Variants in RBMS1 observed in about 807,000 individuals in gnomAD.
RBMS1 encodes the protein RNA-binding motif, single-stranded-interacting protein 1.
A neutral mutation model predicts 62.3 loss-of-function variants in RBMS1; 17 were observed. That is an observed-to-expected ratio of 0.27 (90% CI 0.19 to 0.41). The LOEUF (loss-of-function observed/expected upper bound fraction) is 0.41. Ranked by LOEUF, RBMS1 falls within the 10% of genes least tolerant of loss-of-function variation. The pLI, the probability that RBMS1 is intolerant of heterozygous loss-of-function variation, is 1.00. For missense variants in RBMS1, 334 were observed against 504.5 expected (o/e 0.66, Z 3.24); for synonymous variants, 172 against 170.0 (o/e 1.01, Z -0.09).
At chr2:160,420,493 A>G (rs1368488755) in intron 1 of RBMS1, among the ~76,000 whole-genome samples, 2 of 152,150 alleles carry the variant, frequency 1.3e-5, no homozygotes, top group African/African-American at 2.4e-5. Context: ...GTGTCTTTAC[A>G]TTATAAACTC....
chr2:160,452,287 T>A (rs1008434303), intron 1 of RBMS1, among the ~76,000 whole-genome samples: 2 of 152,158 alleles, frequency 1.3e-5, no homozygotes, highest in Non-Finnish European at 2.9e-5. Context: ...AGGGCTATCA[T>A]GGTGAGCTAA....
chr2:160,313,181 C>G lies in RBMS1; in HGVS notation c.377G>C (p.Ser126Thr). ...CTTTGCCATTTGAGCTTGAACCCCACTGGCCTTCAGGGCAGACACAGCTTT... is the reference window on the plus strand; with the variant it reads ...CTTTGCCATTTGAGCTTGAACCCCAGTGGCCTTCAGGGCAGACACAGCTTT... ...AQKAVSALKA[S>T]GVQAQMAKQQ... The change falls in exon 4 of 14, where the codon AGT (serine) becomes ACT (threonine). Residue 126 changes from serine to threonine, a missense_variant. By Grantham distance (58) the Ser-to-Thr change is moderately conservative (BLOSUM62 1). Around this residue, in one of 3 missense-constraint regions of RBMS1, gnomAD observed 150 missense variants for 228.0 expected, o/e 0.66. Coordinates refer to ENST00000348849, the MANE Select transcript of RBMS1 (RefSeq NM_016836.4). 6.2e-7 allele frequency: 1 copy of G among 1,613,652 alleles called. No individual in the cohort carries two copies. The highest frequency in any genetic ancestry group is 8.5e-7 in the Non-Finnish European group (1 of 1,179,652).
At chr2:160,294,861 C>T (rs1009806096) in intron 6 of RBMS1, among the ~76,000 whole-genome samples, 1 of 152,064 alleles carries the variant, frequency 6.6e-6, no homozygotes, top group Non-Finnish European at 1.5e-5. Context: ...CCCTGCCTGA[C>T]AATATTTTTG....
intron 1 of RBMS1, among the ~76,000 whole-genome samples, chr2:160,485,368 A>AC (rs1354226210): frequency 5.3e-5 from 8 of 152,188 alleles, no homozygotes; most frequent in Non-Finnish European, 1.0e-4. Context: ...AAAGAAAGCA[A>AC]AGACGAGTTC....
At chr2:160,286,587 T>G (rs771156707) in intron 7 of RBMS1, among the ~76,000 whole-genome samples, 2 of 152,124 alleles carry the variant, frequency 1.3e-5, no homozygotes, top group Non-Finnish European at 2.9e-5. Context: ...CCCAAAGTGC[T>G]AGGATTATAG....
intron 2 of RBMS1, among the ~76,000 whole-genome samples, chr2:160,347,437 T>G (rs931031322): frequency 1.3e-5 from 2 of 152,172 alleles, no homozygotes; most frequent in Non-Finnish European, 2.9e-5. Context: ...TTATCACCTC[T>G]TACAGCATCA....
At chr2:160,480,599 A>G (rs1685324346) in intron 1 of RBMS1, among the ~76,000 whole-genome samples, 1 of 152,202 alleles carries the variant, frequency 6.6e-6, no homozygotes, top group African/African-American at 2.4e-5. Context: ...AAAGTTTGGA[A>G]GATTCATTAG....
At chr2:160,298,592 T>C (rs1340626331) in intron 6 of RBMS1, among the ~76,000 whole-genome samples, 1 of 151,846 alleles carries the variant, frequency 6.6e-6, no homozygotes, top group Non-Finnish European at 1.5e-5. Flanking sequence ...GGTGCAAAAG[T>C]AGTCAAGGGA....
intron 1 of RBMS1, chr2:160,407,927 G>A (rs918444736): frequency 3.4e-5 from 33 of 979,974 alleles, no homozygotes; most frequent in Non-Finnish European, 4.0e-5. Context: ...CCGGGGGCGG[G>A]GAGGCGGCAG....
intron 3 of RBMS1, among the ~76,000 whole-genome samples, chr2:160,314,862 C>A (rs186914578): frequency 7.9e-5 from 12 of 152,222 alleles, no homozygotes; most frequent in Admixed American, 6.5e-4. Context: ...TTTTAGACAT[C>A]TGTTGTCCAT....
intron 6 of RBMS1, among the ~76,000 whole-genome samples, chr2:160,294,209 A>G (rs898405587): frequency 6.6e-5 from 10 of 152,246 alleles, no homozygotes; most frequent in African/African-American, 2.4e-4. Flanking sequence ...CCAACAAACT[A>G]TAATATACAT....
rs184387834 is a variant in RBMS1, at chr2:160,455,364, C to T, written c.75+37925G>A. On this transcript the variant is annotated intron_variant, in intron 1 of 13. Transcript: ENST00000348849. ...TATGTCAGAAAAAGTAGATACCATG[C>T]AGTATCATTTTTTAGAATGTGCTTG... Among the ~76,000 whole-genome samples, 211 of 152,306 alleles carry T rather than the reference C, an allele frequency of 1.4e-3. 1 individual carries two copies. Among genetic ancestry groups the T allele is most frequent in the African/African-American group, 4.9e-3 (203 of 41,564 alleles).
At chr2:160,343,610 C>T (rs1573898848) in intron 2 of RBMS1, among the ~76,000 whole-genome samples, 1 of 152,160 alleles carries the variant, frequency 6.6e-6, no homozygotes, top group South Asian at 2.1e-4. Context: ...TGTGAGTCAC[C>T]TGGAGTAAAA....
Position 160,272,391 on chromosome 2 carries a change from T to A in RBMS1, c.*2381A>T, listed in dbSNP as rs1345376557. On this transcript the variant is annotated 3_prime_UTR_variant, in exon 14 of 14. Coordinates refer to ENST00000348849, the MANE Select transcript of RBMS1 (RefSeq NM_016836.4). ...TCATATAGATATCTCTATGAAAATC[T>A]TTTTTTTTCAATCTGTACAAAAGGT... 1.4e-5 allele frequency: 2 copies of A among 143,338 alleles called. No homozygotes were observed. Among genetic ancestry groups the A allele is most frequent in the Non-Finnish European group, 3.1e-5 (2 of 63,634 alleles). The allele number at this position is 143,338 out of a possible 1,614,324, so 8.9% of individuals were successfully genotyped here.
intron 2 of RBMS1, among the ~76,000 whole-genome samples, chr2:160,362,694 CAG>C (rs1420655555): frequency 1.3e-5 from 2 of 152,130 alleles, no homozygotes; most frequent in Non-Finnish European, 2.9e-5. Flanking sequence ...AAATGTGACG[CAG>C]AGACATAAAG....
At chr2:160,354,198 T>A (rs922538633) in intron 2 of RBMS1, among the ~76,000 whole-genome samples, 1 of 152,122 alleles carries the variant, frequency 6.6e-6, no homozygotes, top group South Asian at 2.1e-4. Flanking sequence ...TAATTCAGAC[T>A]AGAGATGAAA....
At chr2:160,475,841 G>T (rs796814616) in intron 1 of RBMS1, among the ~76,000 whole-genome samples, 2 of 147,678 alleles carry the variant, frequency 1.4e-5, no homozygotes, top group African/African-American at 5.0e-5. Flanking sequence ...TATACTAATA[G>T]AGTAGAATGG....
At chr2:160,441,397 G>T (rs948171177) in intron 1 of RBMS1, among the ~76,000 whole-genome samples, 3 of 152,034 alleles carry the variant, frequency 2.0e-5, no homozygotes, top group Admixed American at 1.3e-4. Flanking sequence ...GGTATTTCTG[G>T]GTCATACCAG....
At chr2:160,278,741 C>A (rs1687961306) in intron 10 of RBMS1, 83 bp from the exon 11 acceptor site, 4 of 829,318 alleles carry the variant, frequency 4.8e-6, no homozygotes, top group Non-Finnish European at 7.5e-6. Context: ...AAAGGAAATA[C>A]CTTAGTTTGT....
Sources: allele counts gnomAD v4.1 joint callset (sites outside exome capture counted in the v4.1 genomes callset), GRCh38; gene constraint gnomAD v4.1.1; regional missense constraint gnomAD v4.1.1; transcripts MANE v1.5; gene names NCBI Gene and HGNC (gene_info 2026-07-23, HGNC 2026-07-21).